The following GFPT1 variants were observed in gnomAD, a reference collection of about 807,000 sequenced individuals.
GFPT1 encodes the protein glutamine--fructose-6-phosphate aminotransferase [isomerizing] 1.
A neutral mutation model predicts 92.0 loss-of-function variants in GFPT1; 40 were observed. The ratio of observed to expected loss-of-function variants is 0.43; its 90% CI spans 0.34 to 0.57. The LOEUF is 0.57. GFPT1 is among the 20% of genes least tolerant of loss of function. GFPT1 has a pLI of 0.02. For missense variants in GFPT1, 448 were observed against 869.1 expected (o/e 0.52, Z 6.09); for synonymous variants, 269 against 280.6 (o/e 0.96, Z 0.41).
chr2:69,380,581 C>T (rs1558786353), intron 1 of GFPT1, among the ~76,000 whole-genome samples: 1 of 152,176 alleles, frequency 6.6e-6, no homozygotes, highest in Non-Finnish European at 1.5e-5. Flanking sequence ...CACAGTCAAC[C>T]TATGTCATCA....
chr2:69,374,663 A>G (rs989895653), intron 1 of GFPT1, among the ~76,000 whole-genome samples: 8 of 152,176 alleles, frequency 5.3e-5, no homozygotes, highest in Non-Finnish European at 1.0e-4. Context: ...CATTTTTGTC[A>G]AGTGAAATTT....
At chr2:69,344,680 T>C (rs756657725) in intron 12 of GFPT1, among the ~76,000 whole-genome samples, 7 of 151,858 alleles carry the variant, frequency 4.6e-5, no homozygotes, top group Non-Finnish European at 8.8e-5. Flanking sequence ...AGACAGGTCT[T>C]TCAACCAGGC....
chr2:69,358,260 A>G (rs373488026), intron 6 of GFPT1, 69 bp downstream of exon 6: 1 of 1,357,240 alleles, frequency 7.4e-7, no homozygotes, highest in South Asian at 1.2e-5. Context: ...CTGCTTATCA[A>G]ACTTAATTTC....
At chr2:69,364,492 A>G (rs1671559711) in intron 3 of GFPT1, among the ~76,000 whole-genome samples, 1 of 152,256 alleles carries the variant, frequency 6.6e-6, no homozygotes, top group Non-Finnish European at 1.5e-5. Flanking sequence ...CAATTTAATT[A>G]AACATGTAAA....
Position 69,365,200 on chromosome 2 carries a change from G to A in GFPT1, c.224-1530C>T, listed in dbSNP as rs766070171. On this transcript the variant is annotated intron_variant, in intron 3 of 19. Coordinates refer to ENST00000357308, the MANE Select transcript of GFPT1 (RefSeq NM_001244710.2). Reference sequence around the variant, plus strand: ...GGTCTAAATTAAGAGCAAACTGGCCGAGCACCACGGCTCATGCCTGTAATC... The same window carrying A: ...GGTCTAAATTAAGAGCAAACTGGCCAAGCACCACGGCTCATGCCTGTAATC... Among the ~76,000 whole-genome samples, 211 of 151,890 alleles carry A rather than the reference G, an allele frequency of 1.4e-3. 4 individuals are homozygous for A. Among genetic ancestry groups the A allele is most frequent in the Non-Finnish European group, 2.7e-3 (182 of 67,928 alleles).
At chr2:69,364,274 G>T (rs1671554001) in intron 3 of GFPT1, among the ~76,000 whole-genome samples, 1 of 152,050 alleles carries the variant, frequency 6.6e-6, no homozygotes, top group South Asian at 2.1e-4. Context: ...AAGGCAAATG[G>T]TTTCAATAAC....
chr2:69,351,039 T>C (rs1671193055), intron 9 of GFPT1, among the ~76,000 whole-genome samples: 1 of 152,200 alleles, frequency 6.6e-6, no homozygotes, highest in African/African-American at 2.4e-5. Context: ...CTAATTCTGA[T>C]TTGAAAACAA....
intron 4 of GFPT1, among the ~76,000 whole-genome samples, chr2:69,362,755 C>T (rs1169823999): frequency 1.3e-5 from 2 of 151,990 alleles, no homozygotes; most frequent in Admixed American, 6.6e-5. Context: ...CGATATCGCA[C>T]CACTGCACTC....
At chr2:69,349,888 G>A (rs937131327) in intron 10 of GFPT1, among the ~76,000 whole-genome samples, 190 bp downstream of exon 10, 1 of 152,108 alleles carries the variant, frequency 6.6e-6, no homozygotes, top group African/African-American at 2.4e-5. Flanking sequence ...TTAGTAAACT[G>A]ACCCACATAC....
Position 69,324,502 on chromosome 2 carries a change from C to G in GFPT1, c.*1687G>C, listed in dbSNP as rs1670485867. The G allele has an allele frequency of 1.3e-5, 2 of 151,978 alleles. No individual in the cohort carries two copies. Among genetic ancestry groups the G allele is most frequent in the Admixed American group, 1.3e-4 (2 of 15,256 alleles). 9.4% of individuals were successfully genotyped at this position (151,978 alleles called of 1,614,324 possible). ...ATTATATATAATGTAAATAGTGACC[C>G]TATTTTATTCTTAAAAAGATCAGGT... On this transcript the variant is annotated 3_prime_UTR_variant, in exon 20 of 20. Coordinates refer to ENST00000357308, the MANE Select transcript of GFPT1 (RefSeq NM_001244710.2).
chr2:69,377,553 G>T (rs573436310), intron 1 of GFPT1, among the ~76,000 whole-genome samples: 2 of 150,768 alleles, frequency 1.3e-5, no homozygotes, highest in Admixed American at 6.6e-5. Flanking sequence ...TCAGCTACTC[G>T]GGAGGCTGAG....
At chr2:69,361,402 C>T (rs1671468657) in intron 4 of GFPT1, among the ~76,000 whole-genome samples, 1 of 137,874 alleles carries the variant, frequency 7.3e-6, no homozygotes, top group Non-Finnish European at 1.5e-5. Context: ...GAGCGGAAAG[C>T]ATGCCATTGC....
chr2:69,328,231 T>A, intron 18 of GFPT1, 40 bp downstream of exon 18: 1 of 1,530,924 alleles, frequency 6.5e-7, no homozygotes, highest in South Asian at 1.1e-5. Flanking sequence ...GTAACTCCCC[T>A]CTTTGATCCC....
At chr2:69,366,208 A>T (rs1421284778) in intron 3 of GFPT1, among the ~76,000 whole-genome samples, 2 of 152,000 alleles carry the variant, frequency 1.3e-5, no homozygotes, top group Non-Finnish European at 2.9e-5. Flanking sequence ...GATTCTATAT[A>T]TTGAATCCAT....
intron 10 of GFPT1, 87 bp from the exon 11 acceptor site, chr2:69,348,421 T>A (rs1382729166): frequency 9.5e-7 from 1 of 1,055,432 alleles, no homozygotes; most frequent in East Asian, 2.4e-5. Flanking sequence ...AGAACCAAAT[T>A]TCAATATAAA....
chr2:69,368,409 GAC>G (rs1471138314), intron 3 of GFPT1, among the ~76,000 whole-genome samples: 1 of 152,004 alleles, frequency 6.6e-6, no homozygotes, highest in Non-Finnish European at 1.5e-5. Flanking sequence ...GAGTAAAGTA[GAC>G]ACTCAGATAA....
intron 11 of GFPT1, among the ~76,000 whole-genome samples, 181 bp downstream of exon 11, chr2:69,347,990 G>A (rs1165290581): frequency 2.0e-5 from 3 of 152,098 alleles, no homozygotes; most frequent in Admixed American, 6.6e-5. Flanking sequence ...GTTTGAAGAC[G>A]ATTGTAAAAA....
rs769311395 is a variant in GFPT1, at chr2:69,350,194, T to C, written c.740-11A>G. 2 of 1,561,760 alleles carry C rather than the reference T, an allele frequency of 1.3e-6. No individual in the cohort carries two copies. Among genetic ancestry groups the C allele is most frequent in the East Asian group, 2.2e-5 (1 of 44,558 alleles). The stretch of plus-strand genomic sequence containing the variant: ...CTTTCTTGTCTTTGCCTAAAGCATA[T>C]AGTTAACATGAATTGGCAAACATGT... On this transcript the variant is annotated splice_polypyrimidine_tract_variant and intron_variant, in intron 9 of 19. Transcript: ENST00000357308.
chr2:69,341,588 A>G (rs1203329475), intron 13 of GFPT1, among the ~76,000 whole-genome samples: 1 of 152,188 alleles, frequency 6.6e-6, no homozygotes, highest in Non-Finnish European at 1.5e-5. Flanking sequence ...CTACGTGGGC[A>G]AATATTGGTC....
Sources: gnomAD v4.1 joint callset for allele counts (sites outside exome capture counted in the v4.1 genomes callset) on GRCh38, gnomAD v4.1.1 for gene constraint, MANE v1.5 for transcripts, NCBI Gene and HGNC (gene_info 2026-07-23, HGNC 2026-07-21) for gene names.